Variants in CCDC33 observed in about 807,000 individuals in gnomAD.
CCDC33 encodes coiled-coil domain containing 33, also known as coiled-coil domain-containing protein 33.
Under a neutral mutation model 91.9 loss-of-function variants are expected in CCDC33, and 94 were observed. The ratio of observed to expected loss-of-function variants is 1.02; its 90% CI spans 0.87 to 1.21. CCDC33 has a LOEUF of 1.21. Ranked by LOEUF, CCDC33 falls within the 50% of genes most tolerant of loss-of-function variation. The pLI, the probability that CCDC33 is intolerant of heterozygous loss-of-function variation, is 0.00. For missense variants in CCDC33, 940 were observed against 935.5 expected (o/e 1.00, Z -0.06); for synonymous variants, 396 against 374.5 (o/e 1.06, Z -0.66).
intron 11 of CCDC33, among the ~76,000 whole-genome samples, chr15:74,310,901 G>C (rs1007151558): frequency 5.9e-5 from 9 of 152,214 alleles, no homozygotes; most frequent in African/African-American, 1.9e-4. Context: ...AGGCAAAGCT[G>C]AACACAGGGA....
chr15:74,205,363 C>T (rs1402816731), intron 1 of CCDC33, among the ~76,000 whole-genome samples: 1 of 152,090 alleles, frequency 6.6e-6, no homozygotes, highest in Non-Finnish European at 1.5e-5. Context: ...CTGGGGAGGG[C>T]CTCAGGAAAC....
chr15:74,335,248 C>T (rs891832013), intron 18 of CCDC33, 160 bp downstream of exon 18: 43 of 743,316 alleles, frequency 5.8e-5, no homozygotes, highest in Middle Eastern at 7.1e-4. Flanking sequence ...CATTACCAAC[C>T]GAAGGCTCGG....
At chr15:74,203,681 G>A (rs1426581191) in intron 1 of CCDC33, among the ~76,000 whole-genome samples, 1 of 152,232 alleles carries the variant, frequency 6.6e-6, no homozygotes, top group East Asian at 1.9e-4. Flanking sequence ...CCCTGAGGCA[G>A]GAGAGATGAC....
rs796444701 is a variant in CCDC33, at chr15:74,321,689, C to T, written c.1291-8500C>T. Among the ~76,000 whole-genome samples, 175 of 152,230 alleles carry T rather than the reference C, an allele frequency of 1.1e-3. 1 individual carries two copies. Among genetic ancestry groups the T allele is most frequent in the African/African-American group, 3.8e-3 (158 of 41,528 alleles). On this transcript the variant is annotated intron_variant, in intron 11 of 18. Transcript: ENST00000398814. Reference sequence around the variant, plus strand: ...TGCTGGGATTACAGGCGTGAACCACCGCACCGGGCCAAGAAATGTGGTTAA... The same window carrying T: ...TGCTGGGATTACAGGCGTGAACCACTGCACCGGGCCAAGAAATGTGGTTAA...
upstream of CCDC33, chr15:74,213,090 C>T (rs2074383802): frequency 6.6e-6 from 1 of 152,150 alleles, no homozygotes; most frequent in African/African-American, 2.4e-5. Flanking sequence ...GTGGTGTACA[C>T]TTGTAATCCC....
At chr15:74,219,360 T>C (rs921355488) in intron 2 of CCDC33, among the ~76,000 whole-genome samples, 1 of 152,226 alleles carries the variant, frequency 6.6e-6, no homozygotes, top group African/African-American at 2.4e-5. Flanking sequence ...ACAGCATGTC[T>C]AGTAGGCCTC....
rs2060417824 is a variant in CCDC33 at position 74,330,839 on chromosome 15, A to G, written c.1545+88A>G. On this transcript the variant is annotated intron_variant, in intron 13 of 18. Transcript: ENST00000398814. ...AGAGTCTGGGAGGAGAAGGGAGAAC[A>G]GGCACAGAGGGAATGGAAGCACGGA... 5 of 1,506,404 alleles carry G rather than the reference A, an allele frequency of 3.3e-6. No individual in the cohort carries two copies. In the South Asian group the frequency reaches 5.8e-5, roughly 17 times the overall value. The allele number at this position is 1,506,404 out of a possible 1,614,324, so 93.3% of individuals were successfully genotyped here. A position where few individuals can be genotyped will look rare whatever the true frequency, so the allele number is the denominator to read the frequency against.
intron 2 of CCDC33, among the ~76,000 whole-genome samples, chr15:74,222,660 T>C (rs915733132): frequency 6.6e-6 from 1 of 151,814 alleles, no homozygotes; most frequent in Non-Finnish European, 1.5e-5. Flanking sequence ...TGGATTCTGA[T>C]TGTGAATTTG....
chr15:74,259,896 C>A (rs1054144950), intron 2 of CCDC33, among the ~76,000 whole-genome samples: 2 of 152,214 alleles, frequency 1.3e-5, no homozygotes, highest in Admixed American at 6.5e-5. Context: ...TGTGTCCATG[C>A]AGGTGCAGTT....
At chr15:74,242,733 G>C (rs1471060650) in intron 1 of CCDC33, among the ~76,000 whole-genome samples, 1 of 151,980 alleles carries the variant, frequency 6.6e-6, no homozygotes, top group African/African-American at 2.4e-5. Context: ...ACCAGGGCCA[G>C]GGAGGACAAG....
upstream of CCDC33, among the ~76,000 whole-genome samples, chr15:74,215,061 G>A (rs1473926078): frequency 1.3e-5 from 2 of 152,180 alleles, no homozygotes; most frequent in African/African-American, 4.8e-5. Context: ...AGAGGAAAAT[G>A]CAAAATGGGA....
At chr15:74,260,732 A>G (rs1257216800) in intron 2 of CCDC33, among the ~76,000 whole-genome samples, 2 of 152,204 alleles carry the variant, frequency 1.3e-5, no homozygotes, top group Non-Finnish European at 2.9e-5. Context: ...GAGCAGCCAG[A>G]CATTCCCAAT....
At chr15:74,268,595 A>C in intron 5 of CCDC33, 137 bp downstream of exon 5, 1 of 632,700 alleles carries the variant, frequency 1.6e-6, no homozygotes, top group East Asian at 2.8e-5. Context: ...TGGAAAAAGC[A>C]ACCAGGCCTT....
chr15:74,335,415 C>T (rs909478799), intron 18 of CCDC33: 30 of 563,260 alleles, frequency 5.3e-5, no homozygotes, highest in Middle Eastern at 4.8e-4. Flanking sequence ...GGACTGGCTG[C>T]GCTCATGGGC....
At chr15:74,252,326 G>C (rs1394478522) in intron 2 of CCDC33, among the ~76,000 whole-genome samples, 1 of 152,180 alleles carries the variant, frequency 6.6e-6, no homozygotes, top group South Asian at 2.1e-4. Context: ...GATCTGGGCA[G>C]AGTGGGTGGA....
chr15:74,249,069 C>A (rs943663514), intron 2 of CCDC33, among the ~76,000 whole-genome samples: 1 of 152,170 alleles, frequency 6.6e-6, no homozygotes, highest in Admixed American at 6.5e-5. Context: ...GGCAGCCCCC[C>A]ACCCTCCCTG....
intron 11 of CCDC33, among the ~76,000 whole-genome samples, chr15:74,318,115 G>A (rs921315992): frequency 6.7e-6 from 1 of 150,144 alleles, no homozygotes; most frequent in Non-Finnish European, 1.5e-5. Flanking sequence ...GAGGGGACAA[G>A]GGGGAATCAG....
rs1255766515 is a variant in CCDC33, at chr15:74,318,581, G to C, written c.1291-11608G>C. On this transcript the variant is annotated intron_variant, in intron 11 of 18. Transcript: ENST00000398814. ...CCCATCCTGGGGAACAGGACTGCTA[G>C]CAGTAAAGATGGGGGAGCCAGGGCC... is the stretch of plus-strand genomic sequence containing the variant. 8.2e-6 allele frequency: 6 copies of C among 729,288 alleles called. No homozygotes were observed. The Admixed American group carries it at 1.1e-4, about 13-fold the overall frequency. The allele number at this position is 729,288 out of a possible 1,614,324, so 45.2% of individuals were successfully genotyped here.
intron 1 of CCDC33, among the ~76,000 whole-genome samples, chr15:74,206,242 G>C (rs2142106225): frequency 6.6e-6 from 1 of 152,322 alleles, no homozygotes; most frequent in South Asian, 2.1e-4. Context: ...GCCCTGCCCA[G>C]TCTGGTGCGG....
Sources: allele counts gnomAD v4.1 joint callset (sites outside exome capture counted in the v4.1 genomes callset), GRCh38; gene constraint gnomAD v4.1.1; transcripts MANE v1.5; gene names NCBI Gene and HGNC (gene_info 2026-07-23, HGNC 2026-07-21).